GRXCR1: variants seen among roughly 807,000 people sequenced by gnomAD.
GRXCR1 encodes glutaredoxin and cysteine rich domain containing 1.
Under a neutral mutation model 27.3 loss-of-function variants are expected in GRXCR1, and 27 were observed. That is an observed-to-expected ratio of 0.99 (90% CI 0.73 to 1.37). The LOEUF is 1.37. GRXCR1 is among the 40% of genes most tolerant of loss of function. The probability of loss-of-function intolerance (pLI) is 0.00; values close to 1 mark genes in which losing one functional copy is unlikely to be tolerated. For synonymous variants in GRXCR1, 122 were observed against 131.1 expected (o/e 0.93, Z 0.47); for missense variants, 379 against 354.4 (o/e 1.07, Z -0.56).
At chr4:42,948,281 G>C (rs1478971475) in intron 1 of GRXCR1, among the ~76,000 whole-genome samples, 1 of 150,906 alleles carries the variant, frequency 6.6e-6, no homozygotes, top group Non-Finnish European at 1.5e-5. Flanking sequence ...TGCAAGATAA[G>C]AGATAGAAAC....
intron 1 of GRXCR1, among the ~76,000 whole-genome samples, chr4:42,908,699 G>C (rs1040347317): frequency 6.6e-6 from 1 of 152,162 alleles, no homozygotes; most frequent in African/African-American, 2.4e-5. Flanking sequence ...CACAAAATTA[G>C]ATTATCTGCA....
intron 2 of GRXCR1, among the ~76,000 whole-genome samples, chr4:42,990,170 G>GTTTTTTTTTTTTTTT (rs1243636449): frequency 1.6e-5 from 1 of 63,494 alleles, no homozygotes; most frequent in African/African-American, 5.5e-5. Flanking sequence ...TGAATTATTA[G>GTTTTTTTTTTTTTTT]TTCTTTTTTT....
intron 2 of GRXCR1, among the ~76,000 whole-genome samples, chr4:42,999,158 T>C (rs891674638): frequency 6.6e-6 from 1 of 152,252 alleles, no homozygotes; most frequent in Non-Finnish European, 1.5e-5. Context: ...TGCATTCTTA[T>C]GATCCTTTCT....
chr4:42,935,006 G>T (rs114410032), intron 1 of GRXCR1, among the ~76,000 whole-genome samples: 1 of 151,954 alleles, frequency 6.6e-6, no homozygotes, highest in Admixed American at 6.6e-5. Context: ...GGCTTCTGGT[G>T]AGGACAGAAA....
chr4:42,990,391 C>G (rs1389275307), intron 2 of GRXCR1, among the ~76,000 whole-genome samples: 1 of 150,888 alleles, frequency 6.6e-6, no homozygotes, highest in Non-Finnish European at 1.5e-5. Context: ...CGGGGTTTCA[C>G]CGTTTTAGCC....
intron 2 of GRXCR1, among the ~76,000 whole-genome samples, chr4:43,015,823 A>ATTTCTTAAAATTTATATT (rs1712914668): frequency 6.6e-6 from 1 of 151,658 alleles, no homozygotes; most frequent in Non-Finnish European, 1.5e-5. Flanking sequence ...ATATATGTGT[A>ATTTCTTAAAATTTATATT]TATATACATT....
Position 42,976,404 on chromosome 4 carries a change from T to C in GRXCR1, c.627+13270T>C, listed in dbSNP as rs113903439. 3.6e-3 allele frequency among the ~76,000 whole-genome samples: 545 copies of C among 152,242 alleles called. 5 individuals are homozygous for C. Among genetic ancestry groups the C allele is most frequent in the African/African-American group, 0.011 (456 of 41,560 alleles). The stretch of plus-strand genomic sequence containing the variant: ...AGAAATCTTTAAAGATTTTTCTGTA[T>C]GTTTTATATCTTTAAAAGATGCTAT... On this transcript the variant is annotated intron_variant, in intron 2 of 3. Coordinates refer to ENST00000399770, the MANE Select transcript of GRXCR1 (RefSeq NM_001080476.3).
chr4:42,975,591 T>C (rs183459101), intron 2 of GRXCR1, among the ~76,000 whole-genome samples: 3 of 152,152 alleles, frequency 2.0e-5, no homozygotes, highest in Middle Eastern at 3.2e-3. Flanking sequence ...GAGGCAGTGA[T>C]ACCGGAGTCC....
chr4:42,942,957 C>T (rs867658962), intron 1 of GRXCR1, among the ~76,000 whole-genome samples: 11 of 151,938 alleles, frequency 7.2e-5, no homozygotes, highest in East Asian at 1.9e-4. Flanking sequence ...AAAGCATGGA[C>T]TGAAGAGTAA....
At chr4:42,963,660 G>A (rs903613866) in intron 2 of GRXCR1, among the ~76,000 whole-genome samples, 1 of 151,816 alleles carries the variant, frequency 6.6e-6, no homozygotes, top group African/African-American at 2.4e-5. Context: ...TCAGGCTTAC[G>A]GTAAGCAGAG....
chr4:42,924,859 T>C (rs1747118182), intron 1 of GRXCR1, among the ~76,000 whole-genome samples: 1 of 152,024 alleles, frequency 6.6e-6, no homozygotes, highest in Non-Finnish European at 1.5e-5. Flanking sequence ...TAAGGTGCCA[T>C]ATTACATCTG....
In GRXCR1 at chr4:42,968,319, G is replaced by T. The variant is rs368525555; in HGVS notation, c.627+5185G>T. 1.7e-4 allele frequency among the ~76,000 whole-genome samples: 26 copies of T among 152,058 alleles called. No individual in the cohort carries two copies. The East Asian group carries it at 3.5e-3, about 20-fold the overall frequency. ...GATGTCCAATATTATAAAATCAAAG[G>T]TTAAAACATTATTATTGTTTATCAA... On this transcript the variant is annotated intron_variant, in intron 2 of 3. Transcript: ENST00000399770.
intron 2 of GRXCR1, among the ~76,000 whole-genome samples, chr4:42,966,110 G>A (rs1748232617): frequency 6.6e-6 from 1 of 152,146 alleles, no homozygotes; most frequent in South Asian, 2.1e-4. Context: ...GGGGGGCAGG[G>A]GAGCAAATTC....
chr4:42,921,188 G>T (rs1297353616), intron 1 of GRXCR1, among the ~76,000 whole-genome samples: 9 of 151,968 alleles, frequency 5.9e-5, no homozygotes, highest in Non-Finnish European at 1.3e-4. Context: ...GAGCTTGCTT[G>T]CCCCTTCTAC....
At position 42,965,976 on chromosome 4, in the gene GRXCR1, C is replaced by CT. The variant is rs531474203; in HGVS notation, c.627+2849dup. ...AGAAGAATTACAAGGACACTAAGCT[C>CT]TTTTTTTCCTGATGACTCTCTTCCC... On this transcript the variant is annotated intron_variant, in intron 2 of 3. Transcript: ENST00000399770. Among the ~76,000 whole-genome samples, 332 of 151,928 alleles carry CT rather than the reference C, an allele frequency of 2.2e-3. 1 individual carries two copies. The highest frequency in any genetic ancestry group is 4.2e-3 in the Non-Finnish European group (284 of 67,916).
intron 1 of GRXCR1, among the ~76,000 whole-genome samples, chr4:42,953,851 A>T (rs1333804130): frequency 6.6e-6 from 1 of 152,102 alleles, no homozygotes; most frequent in East Asian, 1.9e-4. Context: ...ATGATTCATT[A>T]GTCTTCCTAA....
At chr4:42,972,453 T>C (rs76636212) in intron 2 of GRXCR1, among the ~76,000 whole-genome samples, 4,660 of 152,230 alleles carry the variant, frequency 0.031, 79 homozygotes, top group South Asian at 0.059. Flanking sequence ...GATAGAGAAA[T>C]TTAAAATTTA....
At chr4:42,960,133 A>G (rs1474289322) in intron 1 of GRXCR1, among the ~76,000 whole-genome samples, 2 of 152,008 alleles carry the variant, frequency 1.3e-5, no homozygotes, top group Non-Finnish European at 2.9e-5. Context: ...AGAGAATCTT[A>G]CATGAGTTGG....
rs112709926 is a variant in GRXCR1, at chr4:42,908,774, A to C, written c.384+15124A>C. On this transcript the variant is annotated intron_variant, in intron 1 of 3. Transcript: ENST00000399770. ...TTTAGGAGACTGGGATGTCTGAACA[A>C]ATTGCATGAATACAGGCAATGAAAG... Among the ~76,000 whole-genome samples, 1,130 of 152,312 alleles carry C rather than the reference A, an allele frequency of 7.4e-3. 12 individuals are homozygous for C. The highest frequency in any genetic ancestry group is 0.026 in the African/African-American group (1,073 of 41,578).
Sources: allele counts gnomAD v4.1 joint callset (sites outside exome capture counted in the v4.1 genomes callset), GRCh38; gene constraint gnomAD v4.1.1; transcripts MANE v1.5; gene names NCBI Gene and HGNC (gene_info 2026-07-23, HGNC 2026-07-21).